ACER1: variants seen among roughly 807,000 people sequenced by gnomAD.
ACER1 encodes the protein CTB-180A7.3.
In ACER1, 28 loss-of-function variants were observed where a neutral mutation model predicts 24.9. The ratio of observed to expected loss-of-function variants is 1.13; its 90% confidence interval spans 0.83 to 1.54. The LOEUF (loss-of-function observed/expected upper bound fraction) is 1.54, where lower values mean the gene tolerates loss of function less well. Ranked by LOEUF, ACER1 falls within the 40% of genes most tolerant of loss-of-function variation. The pLI, the probability that ACER1 is intolerant of heterozygous loss-of-function variation, is 0.00. For synonymous variants in ACER1, 132 were observed against 131.4 expected (o/e 1.00, Z -0.03); for missense variants, 352 against 349.3 (o/e 1.01, Z -0.06).
upstream of ACER1, chr19:6,333,769 A>C (rs1216585005): frequency 2.0e-6 from 1 of 496,366 alleles, no homozygotes; most frequent in East Asian, 3.3e-5. Context: ...GGCACTGTCC[A>C]GGCAGGGCAG....
intron 1 of ACER1, 110 bp downstream of exon 1, chr19:6,333,349 G>T: frequency 1.2e-6 from 1 of 845,156 alleles, no homozygotes; most frequent in Non-Finnish European, 1.8e-6. Flanking sequence ...GAAAACTAGG[G>T]CTGAGACAGG....
At chr19:6,335,173 A>ATATT (rs201530155), upstream of ACER1, among the ~76,000 whole-genome samples, 6,839 of 145,232 alleles carry the variant, frequency 0.047, 262 homozygotes, top group African/African-American at 0.1. Context: ...TATATTATAT[A>ATATT]ATTTTTCTTT....
upstream of ACER1, chr19:6,333,619 C>A: frequency 1.4e-6 from 2 of 1,403,148 alleles, no homozygotes; most frequent in Non-Finnish European, 9.7e-7. Flanking sequence ...GAAGGCTGGG[C>A]CCTGATGAGG....
At chr19:6,347,109 A>AAAAAAAAAAAAAAAATAT in the ACER1 span, among the ~76,000 whole-genome samples, 4 of 113,778 alleles carry the variant, frequency 3.5e-5, no homozygotes, top group African/African-American at 2.0e-4. Flanking sequence ...AAAAAAAAAA[A>AAAAAAAAAAAAAAAATAT]ATATATATAT....
At chr19:6,341,938 T>TTAA in the ACER1 span, among the ~76,000 whole-genome samples, 1 of 152,232 alleles carries the variant, frequency 6.6e-6, no homozygotes, top group African/African-American at 2.4e-5. Flanking sequence ...AGTGTTGGTT[T>TTAA]TAATACTTGC....
At chr19:6,346,451 C>T in the ACER1 span, among the ~76,000 whole-genome samples, 5 of 151,544 alleles carry the variant, frequency 3.3e-5, no homozygotes, top group South Asian at 4.2e-4. Context: ...TTTTCTCCTC[C>T]TCCTCCTCCT....
the ACER1 span, among the ~76,000 whole-genome samples, chr19:6,346,603 A>G: frequency 6.7e-6 from 1 of 149,054 alleles, no homozygotes; most frequent in Non-Finnish European, 1.5e-5. Flanking sequence ...TGCAGCCTCA[A>G]TCTCCTGGCT....
At chr19:6,344,450 AAATAAATTT>A in the ACER1 span, among the ~76,000 whole-genome samples, 1 of 151,872 alleles carries the variant, frequency 6.6e-6, no homozygotes, top group African/African-American at 2.4e-5. Context: ...CTCAATAAAT[AAATAAATTT>A]ATTTATTTAT....
At chr19:6,347,109 A>AAAAAAAAAAAATAT in the ACER1 span, among the ~76,000 whole-genome samples, 311 of 113,724 alleles carry the variant, frequency 2.7e-3, 2 homozygotes, top group Non-Finnish European at 4.3e-3. Context: ...AAAAAAAAAA[A>AAAAAAAAAAAATAT]ATATATATAT....
chr19:6,354,508 A>G, the ACER1 span, among the ~76,000 whole-genome samples: 1 of 152,250 alleles, frequency 6.6e-6, no homozygotes, highest in Non-Finnish European at 1.5e-5. Context: ...AGGATCAAAT[A>G]GAATAGAAAA....
chr19:6,316,799 G>A (rs1169527190), intron 1 of ACER1, among the ~76,000 whole-genome samples: 6 of 142,674 alleles, frequency 4.2e-5, no homozygotes, highest in South Asian at 2.2e-4. Flanking sequence ...CAGTCTGGGC[G>A]ACAGAGCGAG....
chr19:6,355,582 C>G, the ACER1 span, among the ~76,000 whole-genome samples: 9 of 148,938 alleles, frequency 6.0e-5, no homozygotes, highest in African/African-American at 2.3e-4. Context: ...AGGTGGGGGT[C>G]AGCCCCGCCA....
chr19:6,359,902 T>C, the ACER1 span, among the ~76,000 whole-genome samples: 1 of 152,166 alleles, frequency 6.6e-6, no homozygotes, highest in Non-Finnish European at 1.5e-5. Context: ...CTTGGTTCAA[T>C]GTGTATTTAA....
the ACER1 span, among the ~76,000 whole-genome samples, chr19:6,355,475 C>A: frequency 6.7e-6 from 1 of 149,148 alleles, no homozygotes; most frequent in African/African-American, 2.5e-5. Flanking sequence ...GCCTGGCAAC[C>A]GCCCCATATG....
At chr19:6,331,410 A>G (rs1406591755) in intron 1 of ACER1, among the ~76,000 whole-genome samples, 1 of 136,412 alleles carries the variant, frequency 7.3e-6, no homozygotes, top group Admixed American at 7.0e-5. Context: ...CGGCCTCCCA[A>G]AGTGCTGGGA....
intron 1 of ACER1, 39 bp from the exon 2 acceptor site, chr19:6,312,538 AG>A: frequency 6.4e-7 from 1 of 1,551,616 alleles, no homozygotes. Context: ...CTCGTCAGAT[AG>A]GGGAGACGGA....
In ACER1 at chr19:6,309,746, T is replaced by A; in HGVS notation, c.439A>T (p.Asn147Tyr). ...LRPTVNAYAL[N>Y]SIALHILYIV... is the part of the protein sequence containing the mutation. ...TAGAGAATGTGCAGGGCAATGCTGT[T>A]GAGGGCGTAGGCGTTGACCGTGGGC... The change falls in exon 4 of 6, where the codon AAC becomes TAC. Residue 147 changes from asparagine to tyrosine, a missense_variant. Physicochemically the swap from Asn to Tyr is moderately radical, Grantham distance 143. Coordinates refer to ENST00000301452, the MANE Select transcript of ACER1 (RefSeq NM_133492.3). 6.2e-7 allele frequency: 1 copy of A among 1,614,018 alleles called. No homozygotes were observed. Among genetic ancestry groups the A allele is most frequent in the African/African-American group, 1.3e-5 (1 of 75,010 alleles).
chr19:6,349,859 G>A, the ACER1 span, among the ~76,000 whole-genome samples: 1 of 152,150 alleles, frequency 6.6e-6, no homozygotes, highest in East Asian at 1.9e-4. Flanking sequence ...GGCTGGGCAT[G>A]GTGGTTGGCG....
chr19:6,345,135 T>G, the ACER1 span, among the ~76,000 whole-genome samples: 1 of 152,130 alleles, frequency 6.6e-6, no homozygotes, highest in African/African-American at 2.4e-5. Context: ...CCTCAGGTGA[T>G]CCACTGGCCT....
Sources: allele counts gnomAD v4.1 joint callset (sites outside exome capture counted in the v4.1 genomes callset), GRCh38; gene constraint gnomAD v4.1.1; transcripts MANE v1.5; gene names NCBI Gene and HGNC (gene_info 2026-07-23, HGNC 2026-07-21).